SLC39A11: variants seen among roughly 807,000 people sequenced by gnomAD.
The protein encoded by SLC39A11 is zinc transporter ZIP11.
Under a neutral mutation model 36.1 loss-of-function variants are expected in SLC39A11, and 33 were observed. The ratio of observed to expected loss-of-function variants is 0.91; its 90% CI spans 0.69 to 1.22. SLC39A11 has a LOEUF of 1.22. Ranked by LOEUF, SLC39A11 falls within the 50% of genes most tolerant of loss-of-function variation. The pLI is 0.00. For missense variants in SLC39A11, 432 were observed against 430.3 expected (o/e 1.00, Z -0.03); for synonymous variants, 166 against 170.3 (o/e 0.97, Z 0.20).
intron 5 of SLC39A11, among the ~76,000 whole-genome samples, chr17:72,937,056 G>A (rs1224512634): frequency 6.6e-6 from 1 of 152,254 alleles, no homozygotes; most frequent in Admixed American, 6.5e-5. Flanking sequence ...GCAAGCGCCA[G>A]TGGGCTCTGA....
intron 7 of SLC39A11, chr17:72,712,706 T>C (rs1465632268): frequency 6.6e-6 from 1 of 152,200 alleles, no homozygotes; most frequent in Non-Finnish European, 1.5e-5. Context: ...TGCTTCCTTG[T>C]TTCCTCACCC....
intron 7 of SLC39A11, among the ~76,000 whole-genome samples, chr17:72,717,432 GA>G: frequency 6.6e-6 from 1 of 152,288 alleles, no homozygotes; most frequent in Middle Eastern, 3.4e-3. Context: ...GGCTCTAGGG[GA>G]GGATCCTCCC....
At chr17:72,729,435 ATATATATATATATATATATATAT>A (rs1396134488) in intron 7 of SLC39A11, among the ~76,000 whole-genome samples, 4 of 2,060 alleles carry the variant, frequency 1.9e-3, no homozygotes, top group South Asian at 0.026. Flanking sequence ...ATATATATAT[ATATATATATATATATATATATAT>A]TTTTTTTTTT....
intron 7 of SLC39A11, among the ~76,000 whole-genome samples, chr17:72,721,409 C>G (rs1567984616): frequency 6.6e-6 from 1 of 152,172 alleles, no homozygotes; most frequent in African/African-American, 2.4e-5. Context: ...GACTGCTGCC[C>G]TTACTAGCTA....
intron 4 of SLC39A11, among the ~76,000 whole-genome samples, chr17:72,967,393 A>AGAGAGAGAGAGAGG (rs1015103415): frequency 6.9e-6 from 1 of 144,088 alleles, no homozygotes; most frequent in Non-Finnish European, 1.5e-5. Flanking sequence ...AGAGAGAGAG[A>AGAGAGAGAGAGAGG]GAGAGAGTGT....
chr17:72,929,223 C>T (rs1244500267), intron 5 of SLC39A11, among the ~76,000 whole-genome samples: 1 of 152,152 alleles, frequency 6.6e-6, no homozygotes, highest in Non-Finnish European at 1.5e-5. Context: ...AGCCCTCTAG[C>T]GACCATCAGA....
chr17:73,079,331 AGG>A (rs2060439159), intron 3 of SLC39A11, among the ~76,000 whole-genome samples: 1 of 152,134 alleles, frequency 6.6e-6, no homozygotes, highest in East Asian at 1.9e-4. Context: ...TTCTGACCTT[AGG>A]TGATCCACCC....
At chr17:72,870,074 T>G (rs1163568250) in intron 5 of SLC39A11, among the ~76,000 whole-genome samples, 1 of 152,100 alleles carries the variant, frequency 6.6e-6, no homozygotes, top group African/African-American at 2.4e-5. Context: ...TTTCTACATC[T>G]GCATTTTTAA....
rs766454318 is a variant in SLC39A11, at chr17:72,959,323, G to GTATATATATA, written c.307-11449_307-11448insTATATATATA. ...AACTGGTGTATGTATGTGTGTGTGT[G>GTATATATATA]TGTATATATATATATATATATATAT... On this transcript the variant is annotated intron_variant, in intron 4 of 9. Coordinates refer to ENST00000255559, the MANE Select transcript of SLC39A11 (RefSeq NM_139177.4). Among the ~76,000 whole-genome samples the GTATATATATA allele has an allele frequency of 3.6e-3, 291 of 81,296 alleles. 6 individuals carry two copies. The highest frequency in any genetic ancestry group is 5.3e-3 in the Non-Finnish European group (219 of 40,964). 53.3% of individuals were successfully genotyped at this position (81,296 alleles called of 152,430 possible). A position where few individuals can be genotyped will look rare whatever the true frequency, so the allele number is the denominator to read the frequency against.
intron 6 of SLC39A11, among the ~76,000 whole-genome samples, chr17:72,754,449 T>A (rs983539098): frequency 4.6e-5 from 7 of 152,078 alleles, no homozygotes; most frequent in East Asian, 1.9e-4. Context: ...TGGAATTTTT[T>A]TAAAAAATTA....
chr17:72,870,303 A>G (rs1035306693), intron 5 of SLC39A11, among the ~76,000 whole-genome samples: 16 of 113,986 alleles, frequency 1.4e-4, no homozygotes, highest in African/African-American at 5.2e-4. Context: ...GGCCCAGATT[A>G]TCTCTGAACA....
chr17:72,837,052 G>A lies in SLC39A11; in HGVS notation c.601+12582C>T, dbSNP rs528374477. Reference sequence around the variant, plus strand: ...CTCCTTTCTTGCAAGTCGGGGCCCTGGTCTCGCACTGCTGCCCCTCCAAAG... The same window carrying A: ...CTCCTTTCTTGCAAGTCGGGGCCCTAGTCTCGCACTGCTGCCCCTCCAAAG... On this transcript the variant is annotated intron_variant, in intron 6 of 9. Coordinates refer to ENST00000255559, the MANE Select transcript of SLC39A11 (RefSeq NM_139177.4). Among the ~76,000 whole-genome samples, 26 of 152,236 alleles carry A rather than the reference G, an allele frequency of 1.7e-4. No individual in the cohort carries two copies. The South Asian group carries it at 5.4e-3, about 32-fold the overall frequency.
At chr17:72,942,663 G>A (rs1310794288) in intron 5 of SLC39A11, among the ~76,000 whole-genome samples, 1 of 152,180 alleles carries the variant, frequency 6.6e-6, no homozygotes, top group Non-Finnish European at 1.5e-5. Context: ...GAACCATGAA[G>A]CTGTTTAAAT....
chr17:72,676,419 A>G (rs750571381), intron 7 of SLC39A11, among the ~76,000 whole-genome samples: 1 of 152,154 alleles, frequency 6.6e-6, no homozygotes, highest in Non-Finnish European at 1.5e-5. Context: ...AACCTCGATG[A>G]TCACAACATT....
intron 3 of SLC39A11, among the ~76,000 whole-genome samples, chr17:73,071,380 G>A (rs558684488): frequency 4.1e-4 from 62 of 152,352 alleles, no homozygotes; most frequent in African/African-American, 1.4e-3. Flanking sequence ...CACTTGCAAA[G>A]CCAGCCCCTG....
At chr17:72,856,085 A>G (rs1264748148) in intron 5 of SLC39A11, among the ~76,000 whole-genome samples, 1 of 152,148 alleles carries the variant, frequency 6.6e-6, no homozygotes, top group Non-Finnish European at 1.5e-5. Context: ...TATATAAACA[A>G]TCAGAAATTG....
At chr17:72,714,384 TA>T (rs959096698) in intron 7 of SLC39A11, among the ~76,000 whole-genome samples, 3 of 102,788 alleles carry the variant, frequency 2.9e-5, no homozygotes, top group African/African-American at 1.2e-4. Context: ...TTAATAAAAA[TA>T]ATAATAATTG....
At chr17:72,927,191 C>T (rs1190534796) in intron 5 of SLC39A11, among the ~76,000 whole-genome samples, 3 of 152,072 alleles carry the variant, frequency 2.0e-5, no homozygotes, top group East Asian at 1.9e-4. Context: ...GGACTACAGG[C>T]GCACACCACC....
At chr17:72,854,587 C>A (rs919320940) in intron 5 of SLC39A11, among the ~76,000 whole-genome samples, 1 of 152,084 alleles carries the variant, frequency 6.6e-6, no homozygotes, top group Non-Finnish European at 1.5e-5. Context: ...CCATGCTAAG[C>A]CCACAACACA....
Sources: gnomAD v4.1 joint callset for allele counts (sites outside exome capture counted in the v4.1 genomes callset) on GRCh38, gnomAD v4.1.1 for gene constraint, MANE v1.5 for transcripts, NCBI Gene and HGNC (gene_info 2026-07-23, HGNC 2026-07-21) for gene names.